SHANK2: variants seen among roughly 807,000 people sequenced by gnomAD.
SHANK2 encodes SH3 and multiple ankyrin repeat domains 2.
SHANK2 carries 43 observed loss-of-function variants against 133.7 expected under a neutral mutation model. That is an observed-to-expected ratio of 0.32 (90% CI 0.25 to 0.41). The LOEUF is 0.41. SHANK2 is among the 10% of genes least tolerant of loss of function. The pLI, the probability that SHANK2 is intolerant of heterozygous loss-of-function variation, is 1.00. For missense variants in SHANK2, 1,994 were observed against 2,235.8 expected (o/e 0.89, Z 2.18); for synonymous variants, 1,017 against 952.8 (o/e 1.07, Z -1.24).
At chr11:71,144,223 C>T (rs782786372) in intron 3 of SHANK2, among the ~76,000 whole-genome samples, 11 of 152,178 alleles carry the variant, frequency 7.2e-5, no homozygotes, top group Non-Finnish European at 1.0e-4. Context: ...TGTGCGCATG[C>T]GTGCACCCAT....
intron 17 of SHANK2, among the ~76,000 whole-genome samples, chr11:70,595,149 A>G (rs1554989151): frequency 6.6e-6 from 1 of 152,094 alleles, no homozygotes; most frequent in Non-Finnish European, 1.5e-5. Flanking sequence ...CTGCCAGGGT[A>G]CAAGAAAAAC....
chr11:70,903,323 G>C (rs1333350917), intron 10 of SHANK2, among the ~76,000 whole-genome samples: 1 of 151,632 alleles, frequency 6.6e-6, no homozygotes, highest in African/African-American at 2.4e-5. Context: ...GTTGCAGTGA[G>C]CTGAGATTGC....
intron 17 of SHANK2, among the ~76,000 whole-genome samples, chr11:70,503,499 C>T (rs772706379): frequency 2.6e-4 from 39 of 152,240 alleles, no homozygotes; most frequent in Admixed American, 2.0e-3. Flanking sequence ...AAAAGCCTGG[C>T]CCAGCAGGGT....
rs538890034 is a variant in SHANK2 at position 70,485,854 on chromosome 11, G to C, written c.4439C>G (p.Pro1480Arg). The change falls in exon 25 of 26, where the codon CCT becomes CGT. Residue 1480 changes from proline to arginine, a missense_variant. Around this residue, in one of 5 missense-constraint regions of SHANK2, gnomAD observed 797 missense variants for 907.4 expected, o/e 0.88. Coordinates refer to ENST00000601538, the MANE Select transcript of SHANK2 (RefSeq NM_012309.5). This position sits in a 1 kb window ranked among gnomAD's most constrained non-coding sequence, Gnocchi z 5.8. ...GTCGGCGACGGCGTCAAAGCTTTCAGGGGGTGGCAGGAATGAGGCAGGCAG... is the reference window on the plus strand; with the variant it reads ...GTCGGCGACGGCGTCAAAGCTTTCACGGGGTGGCAGGAATGAGGCAGGCAG... ...NCLPASFLPP[P>R]ESFDAVADSG... The C allele has an allele frequency of 6.2e-7, 1 of 1,613,942 alleles. No homozygotes were observed. The highest frequency in any genetic ancestry group is 1.3e-5 in the African/African-American group (1 of 74,924).
At chr11:70,687,363 G>A (rs1218003154) in intron 15 of SHANK2, among the ~76,000 whole-genome samples, 1 of 152,206 alleles carries the variant, frequency 6.6e-6, no homozygotes, top group Non-Finnish European at 1.5e-5. Flanking sequence ...AGAGCACAAG[G>A]TTGGAGCAGG....
intron 3 of SHANK2, among the ~76,000 whole-genome samples, chr11:71,139,526 T>C (rs1565473991): frequency 5.3e-5 from 8 of 151,876 alleles, no homozygotes; most frequent in Admixed American, 2.0e-4. Flanking sequence ...AATAAATAAA[T>C]AAATAAAAGA....
In SHANK2 at chr11:70,492,443, C is replaced by T. The variant is rs782075096; in HGVS notation, c.2331G>A (p.Pro777=). 31 of 1,613,882 alleles carry T rather than the reference C, an allele frequency of 1.9e-5. No homozygotes were observed. The highest frequency in any genetic ancestry group is 1.8e-4 in the East Asian group (8 of 44,888). ...KKKDKPEEIV[P]ASKPSRAAEN... ...CAGCAGCGCGGGAGGGCTTGGAGGC[C>T]GGGACTATCTCCTCGGGTTTATCTG... Residue 777 remains proline, a synonymous_variant, in exon 22 of 26, where the codon CCG becomes CCA. Coordinates refer to ENST00000601538, the MANE Select transcript of SHANK2 (RefSeq NM_012309.5).
chr11:70,624,532 CA>C (rs71049929), intron 17 of SHANK2, among the ~76,000 whole-genome samples: 10,605 of 138,024 alleles, frequency 0.077, 455 homozygotes, highest in South Asian at 0.088. Context: ...CAACCTTCTT[CA>C]AAAAAAAAAA....
At chr11:70,741,231 GCATCCATCCATCCATCCATC>G (rs61208287) in intron 14 of SHANK2, among the ~76,000 whole-genome samples, 3,257 of 143,298 alleles carry the variant, frequency 0.023, 73 homozygotes, top group Non-Finnish European at 0.029. Context: ...ATTTAACCAT[GCATCCATCCATCCATCCATC>G]CATCCATCCA....
At chr11:70,622,100 T>C (rs1554998081) in intron 17 of SHANK2, among the ~76,000 whole-genome samples, 1 of 152,118 alleles carries the variant, frequency 6.6e-6, no homozygotes, top group Non-Finnish European at 1.5e-5. Flanking sequence ...TGCCTGTCAC[T>C]AGTGGGGTGG....
At chr11:70,677,484 C>T (rs533856352) in intron 15 of SHANK2, among the ~76,000 whole-genome samples, 7 of 152,306 alleles carry the variant, frequency 4.6e-5, no homozygotes, top group Non-Finnish European at 8.8e-5. Context: ...TCCATGACAC[C>T]ACTGATGCCC....
chr11:70,840,577 G>A (rs530622673), intron 11 of SHANK2, among the ~76,000 whole-genome samples: 1 of 152,330 alleles, frequency 6.6e-6, no homozygotes, highest in East Asian at 1.9e-4. Context: ...GGAGACCTGG[G>A]AGGGGAGCCC....
At chr11:70,759,770 C>A (rs1946952583) in intron 14 of SHANK2, among the ~76,000 whole-genome samples, 1 of 152,160 alleles carries the variant, frequency 6.6e-6, no homozygotes, top group Non-Finnish European at 1.5e-5. Context: ...GCCAGCAAGC[C>A]CCGGCCTTGG....
intron 10 of SHANK2, among the ~76,000 whole-genome samples, chr11:70,919,972 A>C (rs545330713): frequency 2.0e-5 from 3 of 152,310 alleles, no homozygotes; most frequent in Admixed American, 2.0e-4. Flanking sequence ...CTGCAGAGAC[A>C]TAGCCATGTT....
chr11:71,150,788 A>T (rs2135423776), intron 2 of SHANK2, among the ~76,000 whole-genome samples: 1 of 152,186 alleles, frequency 6.6e-6, no homozygotes, highest in South Asian at 2.1e-4. Flanking sequence ...GGGTGGGGGC[A>T]GGAACTTCTC....
chr11:70,867,716 C>A (rs991673211), intron 11 of SHANK2, among the ~76,000 whole-genome samples: 3 of 152,226 alleles, frequency 2.0e-5, no homozygotes, highest in Non-Finnish European at 4.4e-5. Flanking sequence ...ATTTACCCAG[C>A]GGCACAGAGT....
intron 10 of SHANK2, among the ~76,000 whole-genome samples, chr11:70,905,195 T>C (rs1169862531): frequency 1.3e-5 from 2 of 152,138 alleles, no homozygotes; most frequent in African/African-American, 4.8e-5. Context: ...GGCTGTCTGG[T>C]TGGTCCTCGC....
At chr11:71,114,568 G>C (rs539415092) in intron 4 of SHANK2, among the ~76,000 whole-genome samples, 1 of 152,148 alleles carries the variant, frequency 6.6e-6, no homozygotes, top group Non-Finnish European at 1.5e-5. Context: ...CTGTGAAATC[G>C]GAAAGTTCTG....
At chr11:70,860,385 C>T (rs1350637361) in intron 11 of SHANK2, among the ~76,000 whole-genome samples, 1 of 152,192 alleles carries the variant, frequency 6.6e-6, no homozygotes, top group East Asian at 1.9e-4. Context: ...ATTAAGGTGA[C>T]GGGTCTCTTT....
Sources: allele counts gnomAD v4.1 joint callset (sites outside exome capture counted in the v4.1 genomes callset), GRCh38; gene constraint gnomAD v4.1.1; regional missense constraint gnomAD v4.1.1; non-coding constraint Gnocchi (gnomAD v3.1); transcripts MANE v1.5; gene names NCBI Gene and HGNC (gene_info 2026-07-23, HGNC 2026-07-21).